The following SLC14A2 variants were observed in gnomAD, a reference collection of about 807,000 sequenced individuals.
SLC14A2 encodes solute carrier family 14 member 2, also known as urea transporter 2.
A neutral mutation model predicts 104.6 loss-of-function variants in SLC14A2; 91 were observed. The observed-to-expected ratio is 0.87, with a 90% CI of 0.73 to 1.04. The LOEUF (loss-of-function observed/expected upper bound fraction) is 1.04. Among genes scored for constraint, SLC14A2 ranks in the 50% least tolerant of loss-of-function variants. SLC14A2 has a pLI of 0.00. For missense variants in SLC14A2, 1,189 were observed against 1,156.0 expected (o/e 1.03, Z -0.41); for synonymous variants, 476 against 466.4 (o/e 1.02, Z -0.27).
chr18:45,449,711 G>A (rs745935146), intron 1 of SLC14A2, among the ~76,000 whole-genome samples: 13 of 152,148 alleles, frequency 8.5e-5, no homozygotes, highest in Middle Eastern at 3.2e-3. Context: ...TTGATGGGGC[G>A]TAAAAGTTAA....
intron 2 of SLC14A2, among the ~76,000 whole-genome samples, chr18:45,527,265 T>C (rs2144822113): frequency 6.6e-6 from 1 of 152,306 alleles, no homozygotes; most frequent in East Asian, 1.9e-4. Flanking sequence ...CCTGAGCCCT[T>C]AGGTGGCACC....
intron 1 of SLC14A2, among the ~76,000 whole-genome samples, chr18:45,430,975 C>A (rs770972108): frequency 1.3e-4 from 20 of 152,092 alleles, no homozygotes; most frequent in Non-Finnish European, 2.5e-4. Flanking sequence ...GTGCTGATGA[C>A]TTTTTAGAGG....
intron 2 of SLC14A2, among the ~76,000 whole-genome samples, chr18:45,524,352 C>T (rs187497422): frequency 2.8e-4 from 43 of 152,330 alleles, no homozygotes; most frequent in Admixed American, 3.3e-4. Context: ...TGTTCAATCC[C>T]ATTGCACTGC....
chr18:45,644,187 C>A, intron 10 of SLC14A2, 27 bp downstream of exon 10: 2 of 1,610,340 alleles, frequency 1.2e-6, no homozygotes, highest in Non-Finnish European at 8.5e-7. Flanking sequence ...GGGGAAGAAA[C>A]GCTCTTTGCC....
chr18:45,586,417 C>T (rs979179799), intron 2 of SLC14A2, among the ~76,000 whole-genome samples: 9 of 152,190 alleles, frequency 5.9e-5, no homozygotes, highest in Admixed American at 5.2e-4. Context: ...CTTTGAAGGC[C>T]TTGGCACTGA....
At chr18:45,538,450 G>A (rs763615859) in intron 2 of SLC14A2, among the ~76,000 whole-genome samples, 1 of 152,152 alleles carries the variant, frequency 6.6e-6, no homozygotes, top group Non-Finnish European at 1.5e-5. Flanking sequence ...TTCAAGGCTC[G>A]ACTGGGACTG....
chr18:45,177,724 T>C, the SLC14A2 span, among the ~76,000 whole-genome samples: 3 of 152,224 alleles, frequency 2.0e-5, no homozygotes, highest in African/African-American at 7.2e-5. Flanking sequence ...GGATTATTTG[T>C]GGGTCCTTCC....
At chr18:45,250,015 A>C (rs182370456) in intron 1 of SLC14A2, among the ~76,000 whole-genome samples, 1 of 152,288 alleles carries the variant, frequency 6.6e-6, no homozygotes, top group East Asian at 1.9e-4. Context: ...TATCAACCTA[A>C]TAGCCACCAG....
At chr18:45,468,908 C>T (rs1235086755) in intron 1 of SLC14A2, among the ~76,000 whole-genome samples, 1 of 152,164 alleles carries the variant, frequency 6.6e-6, no homozygotes, top group Non-Finnish European at 1.5e-5. Context: ...CCTGAGGTGT[C>T]AAGTGTATCT....
intron 1 of SLC14A2, among the ~76,000 whole-genome samples, chr18:45,392,316 T>C (rs1300033357): frequency 6.6e-6 from 1 of 152,156 alleles, no homozygotes; most frequent in Non-Finnish European, 1.5e-5. Context: ...TTTTGTTTGA[T>C]CTATGTGAGT....
rs774625007 is a variant in SLC14A2, at chr18:45,548,376, C to CG, written c.-35+65058dup. Reference sequence around the variant, plus strand: ...CACAGGAAAAAAATGATTTTTGATTCGGGGAAAAGAGTAGTAGAGGAACTT... The same window carrying CG: ...CACAGGAAAAAAATGATTTTTGATTCGGGGGAAAAGAGTAGTAGAGGAACTT... On this transcript the variant is annotated intron_variant, in intron 2 of 20. Transcript: ENST00000586448. Among the ~76,000 whole-genome samples the CG allele has an allele frequency of 3.6e-4, 55 of 152,200 alleles. 1 individual carries two copies. Among genetic ancestry groups the CG allele is most frequent in the Middle Eastern group, 3.4e-3 (1 of 294 alleles).
chr18:45,427,777 A>G (rs1415718823), intron 1 of SLC14A2, among the ~76,000 whole-genome samples: 1 of 152,204 alleles, frequency 6.6e-6, no homozygotes, highest in Non-Finnish European at 1.5e-5. Context: ...GGTGGCTATC[A>G]GAGCATCCTT....
At chr18:45,401,354 G>A (rs1238919579) in intron 1 of SLC14A2, among the ~76,000 whole-genome samples, 1 of 152,092 alleles carries the variant, frequency 6.6e-6, no homozygotes, top group South Asian at 2.1e-4. Context: ...GACTATTTTA[G>A]GTGACTAAAA....
chr18:45,260,857 G>A (rs1472948841), intron 1 of SLC14A2, among the ~76,000 whole-genome samples: 1 of 152,010 alleles, frequency 6.6e-6, no homozygotes, highest in East Asian at 1.9e-4. Flanking sequence ...GAAGGGAGTG[G>A]GGAAAGGGCT....
At chr18:45,422,433 A>G (rs981367743) in intron 1 of SLC14A2, among the ~76,000 whole-genome samples, 3 of 152,240 alleles carry the variant, frequency 2.0e-5, no homozygotes, top group Non-Finnish European at 2.9e-5. Flanking sequence ...TGCCACTCAT[A>G]TAGTATGAAA....
chr18:45,580,368 G>C (rs1252894952), intron 2 of SLC14A2, among the ~76,000 whole-genome samples: 1 of 152,202 alleles, frequency 6.6e-6, no homozygotes. Flanking sequence ...AGGATCACTG[G>C]GGAAGAACAT....
At chr18:45,183,845 C>T in the SLC14A2 span, among the ~76,000 whole-genome samples, 1 of 151,508 alleles carries the variant, frequency 6.6e-6, no homozygotes, top group Non-Finnish European at 1.5e-5. Context: ...AGCTATCCAC[C>T]TCTCAGCCTC....
intron 1 of SLC14A2, among the ~76,000 whole-genome samples, chr18:45,474,148 G>T (rs909276248): frequency 4.6e-5 from 7 of 152,104 alleles, no homozygotes; most frequent in African/African-American, 1.4e-4. Context: ...TGTGGTTTTT[G>T]TCATTGATTC....
chr18:45,212,552 C>T (rs953899156), upstream of SLC14A2, among the ~76,000 whole-genome samples: 2 of 152,178 alleles, frequency 1.3e-5, no homozygotes, highest in African/African-American at 4.8e-5. Context: ...CCTCCTCCAA[C>T]GTGATCCTTA....
Sources: allele counts gnomAD v4.1 joint callset (sites outside exome capture counted in the v4.1 genomes callset), GRCh38; gene constraint gnomAD v4.1.1; transcripts MANE v1.5; gene names NCBI Gene and HGNC (gene_info 2026-07-23, HGNC 2026-07-21).